Variants in OGG1 observed in about 807,000 individuals in gnomAD.
OGG1 encodes 8-oxoguanine DNA glycosylase.
A neutral mutation model predicts 42.3 loss-of-function variants in OGG1; 35 were observed. The ratio of observed to expected loss-of-function variants is 0.83; its 90% confidence interval spans 0.63 to 1.10. The LOEUF is 1.10. Among genes scored for constraint, OGG1 ranks in the 50% least tolerant of loss-of-function variants. OGG1 has a pLI of 0.00. For synonymous variants in OGG1, 189 were observed against 179.0 expected (o/e 1.06, Z -0.44); for missense variants, 484 against 446.7 (o/e 1.08, Z -0.75).
rs370483342 is a variant in OGG1, at chr3:9,751,155, G to C, written c.348G>C (p.Val116=). 21 of 1,614,060 alleles carry C rather than the reference G, an allele frequency of 1.3e-5. No homozygotes were observed. Among genetic ancestry groups the C allele is most frequent in the Non-Finnish European group, 1.6e-5 (19 of 1,180,054 alleles). Residue 116 remains valine (V), a synonymous_variant, in exon 2 of 7, where the codon GTG becomes GTC. Transcript: ENST00000344629. ...LAQLYHHWGS[V]DSHFQEVAQK... ...AACTGTATCACCACTGGGGTTCCGT[G>C]GACTCCCACTTCCAAGAGGTGGCTC...
exon 4 of OGG1, chr3:9,788,035 A>G (rs1464047081): frequency 4.9e-5 from 14 of 286,938 alleles, no homozygotes. Context: ...GGAGAGGGGC[A>G]CTGGAGCTGT....
At chr3:9,776,196 TTCTC>T (rs2078360954) in intron 2 of OGG1, among the ~76,000 whole-genome samples, 1 of 152,098 alleles carries the variant, frequency 6.6e-6, no homozygotes, top group Non-Finnish European at 1.5e-5. Flanking sequence ...CAGTTCTTAC[TTCTC>T]TCTAAGCAGG....
In OGG1 at chr3:9,757,296, G is replaced by A. The variant is rs2077622791; in HGVS notation, c.*146G>A. ...CAGGCACCCCCAAATCAAGCAGTCA[G>A]TTTGCACAACAAGATGGGGTGGGGG... On this transcript the variant is annotated 3_prime_UTR_variant, in exon 7 of 7. Transcript: ENST00000344629. The surrounding 1 kb of genome is among the most constrained non-coding windows in gnomAD (Gnocchi z 4.5). 1 of 1,614,078 alleles carries A rather than the reference G, an allele frequency of 6.2e-7. No homozygotes were observed. The highest frequency in any genetic ancestry group is 1.1e-5 in the South Asian group (1 of 91,088).
At chr3:9,790,088 A>G, downstream of OGG1, 1 of 1,214,150 alleles carries the variant, frequency 8.2e-7, no homozygotes, top group Non-Finnish European at 1.1e-6. Flanking sequence ...TCCTCTTTTT[A>G]CCTAGTAAAC....
intron 7 of OGG1, chr3:9,763,205 T>G: frequency 1.2e-6 from 2 of 1,613,422 alleles, no homozygotes; most frequent in Non-Finnish European, 1.7e-6. Flanking sequence ...AATGTTGGGG[T>G]GCTTGATCCT....
intron 3 of OGG1, chr3:9,752,231 G>A (rs2077335236): frequency 2.0e-6 from 1 of 500,584 alleles, no homozygotes; most frequent in Admixed American, 3.4e-5. Flanking sequence ...CATGCATTCT[G>A]GGGACAGACC....
chr3:9,785,328 T>C (rs763516911), intron 3 of OGG1: 1 of 1,613,932 alleles, frequency 6.2e-7, no homozygotes, highest in East Asian at 2.2e-5. Context: ...GAAGGGCTTG[T>C]TCTGATTGCG....
chr3:9,761,151 A>G (rs1368198597), downstream of OGG1: 8 of 345,104 alleles, frequency 2.3e-5, no homozygotes, highest in East Asian at 4.5e-4. Flanking sequence ...ATTTATTTTT[A>G]TCACCTGACG....
chr3:9,755,257 C>T (rs557818160), intron 4 of OGG1, among the ~76,000 whole-genome samples: 1 of 152,150 alleles, frequency 6.6e-6, no homozygotes, highest in Admixed American at 6.5e-5. Context: ...GAAATAGGCT[C>T]TTAACAATGT....
In OGG1 at chr3:9,751,836, A is replaced by T; in HGVS notation, c.452A>T (p.Asn151Ile). Reference protein sequence around the residue: ...LFSFICSSNNNIARITGMVER... With the variant: ...LFSFICSSNNIIARITGMVER... Reference sequence around the variant, plus strand: ...TCTTTTATCTGTTCCTCCAACAACAACATCGCCCGCATCACTGGCATGGTG... The same window carrying T: ...TCTTTTATCTGTTCCTCCAACAACATCATCGCCCGCATCACTGGCATGGTG... The change falls in exon 3 of 7, where the codon AAC becomes ATC. Residue 151 changes from asparagine to isoleucine, a missense_variant. Coordinates refer to ENST00000344629, the MANE Select transcript of OGG1 (RefSeq NM_002542.6). 6.2e-7 allele frequency: 1 copy of T among 1,614,238 alleles called. No homozygotes were observed. Among genetic ancestry groups the T allele is most frequent in the Non-Finnish European group, 8.5e-7 (1 of 1,180,032 alleles).
At chr3:9,765,661 T>C in intron 7 of OGG1, 4 of 1,394,808 alleles carry the variant, frequency 2.9e-6, no homozygotes, top group Admixed American at 1.9e-5. Context: ...ATTTAAGGCT[T>C]AGAGAGTTTA....
At chr3:9,758,957 CT>C, downstream of OGG1, 1 of 514,458 alleles carries the variant, frequency 1.9e-6, no homozygotes, top group Non-Finnish European at 3.5e-6. Flanking sequence ...GCAGCAAATA[CT>C]TGCCTAAGAT....
chr3:9,764,617 G>GTTTTTT (rs202012854), intron 7 of OGG1, among the ~76,000 whole-genome samples: 10 of 93,416 alleles, frequency 1.1e-4, no homozygotes, highest in South Asian at 3.8e-4. Context: ...TGGCGTTTTT[G>GTTTTTT]TTTTTTTTTT....
chr3:9,761,743 C>T (rs753815172), downstream of OGG1: 1 of 1,614,074 alleles, frequency 6.2e-7, no homozygotes, highest in Admixed American at 1.7e-5. Context: ...GGCTGTAGTA[C>T]AGCAGATTCT....
chr3:9,779,492 C>T (rs1371857941), intron 2 of OGG1, among the ~76,000 whole-genome samples: 1 of 151,412 alleles, frequency 6.6e-6, no homozygotes, highest in South Asian at 2.1e-4. Flanking sequence ...GTGTGGTGAC[C>T]CCTAAGAAAC....
chr3:9,787,333 G>A (rs753170899), intron 3 of OGG1: 1 of 1,609,164 alleles, frequency 6.2e-7, no homozygotes, highest in East Asian at 2.2e-5. Context: ...CTTCCCCAGG[G>A]GTGGGATCTG....
At position 9,780,992 on chromosome 3, in the gene OGG1, G is replaced by C. The variant is rs558474896; in HGVS notation, c.295-521G>C. On this transcript the variant is annotated intron_variant, in intron 2 of 3. Coordinates refer to the OGG1 transcript ENST00000426518. ...TCTCTACAAAAAATTTAAAAAATTA[G>C]CTGGGTGTGGTAGTGCACACCTGTA... Among the ~76,000 whole-genome samples the C allele has an allele frequency of 6.6e-5, 10 of 152,188 alleles. No individual in the cohort carries two copies. The South Asian group carries it at 2.1e-3, about 32-fold the overall frequency.
chr3:9,780,586 C>T, intron 2 of OGG1: 1 of 1,574,822 alleles, frequency 6.3e-7, no homozygotes, highest in Non-Finnish European at 8.6e-7. Flanking sequence ...AGGGTCAGCC[C>T]ACCTCCAGAG....
chr3:9,765,746 G>A (rs765555178), intron 7 of OGG1: 2 of 1,613,592 alleles, frequency 1.2e-6, no homozygotes, highest in Admixed American at 1.7e-5. Flanking sequence ...GGGAAAGGCT[G>A]TGGCCCACGC....
Sources: allele counts gnomAD v4.1 joint callset (sites outside exome capture counted in the v4.1 genomes callset), GRCh38; gene constraint gnomAD v4.1.1; non-coding constraint Gnocchi (gnomAD v3.1); transcripts MANE v1.5; gene names NCBI Gene and HGNC (gene_info 2026-07-23, HGNC 2026-07-21).